Variants in MYO1F observed in about 807,000 individuals in gnomAD.
MYO1F encodes the protein unconventional myosin-If.
A neutral mutation model predicts 146.6 loss-of-function variants in MYO1F; 60 were observed. The observed-to-expected ratio is 0.41, with a 90% CI of 0.33 to 0.51. The LOEUF is 0.51. Among genes scored for constraint, MYO1F ranks in the 20% least tolerant of loss-of-function variants. The probability of loss-of-function intolerance (pLI) is 0.25; values close to 1 mark genes in which losing one functional copy is unlikely to be tolerated. For missense variants in MYO1F, 1,274 were observed against 1,534.3 expected, an observed-to-expected ratio of 0.83 and a Z score of 2.83; for synonymous variants, 602 against 602.1, an observed-to-expected ratio of 1.00 and a Z score of 0.00.
intron 22 of MYO1F, 111 bp from the exon 23 acceptor site, chr19:8,527,046 A>T: frequency 7.1e-7 from 1 of 1,407,678 alleles, no homozygotes; most frequent in South Asian, 1.2e-5. Flanking sequence ...GCTAAGGGCC[A>T]AGTCAGCGGT....
At chr19:8,544,543 G>T in intron 13 of MYO1F, 79 bp from the exon 14 acceptor site, 1 of 1,463,526 alleles carries the variant, frequency 6.8e-7, no homozygotes, top group Non-Finnish European at 9.3e-7. Flanking sequence ...CAGAGATTAG[G>T]GGAGGGAGGG....
At chr19:8,566,102 G>GA (rs938673426) in intron 1 of MYO1F, among the ~76,000 whole-genome samples, 5 of 141,364 alleles carry the variant, frequency 3.5e-5, no homozygotes, top group Admixed American at 1.4e-4. Context: ...CGAAGACCCA[G>GA]AAAAAAAACC....
intron 23 of MYO1F, 78 bp downstream of exon 23, chr19:8,526,711 G>T (rs1357089916): frequency 3.3e-6 from 5 of 1,534,888 alleles, no homozygotes; most frequent in South Asian, 1.2e-5. Flanking sequence ...AGCGCAGTTC[G>T]GCCGGGTCGG....
chr19:8,553,566 C>G, intron 4 of MYO1F, 129 bp from the exon 5 acceptor site: 1 of 757,224 alleles, frequency 1.3e-6, no homozygotes. Context: ...CTGTAATGAA[C>G]AAGACAGATA....
intron 1 of MYO1F, among the ~76,000 whole-genome samples, chr19:8,556,482 AAAAGAAAGAAAGAAAG>A (rs367956320): frequency 6.9e-6 from 1 of 145,062 alleles, no homozygotes; most frequent in African/African-American, 2.6e-5. Context: ...TCTCTATAAA[AAAAGAAAGAAAGAAAG>A]AAAGAAAGAG....
chr19:8,552,888 G>A (rs1443860133), intron 6 of MYO1F, among the ~76,000 whole-genome samples: 1 of 152,192 alleles, frequency 6.6e-6, no homozygotes, highest in African/African-American at 2.4e-5. Context: ...ATGTAGCATG[G>A]CTGCAGCCGG....
At chr19:8,537,096 A>T (rs755050219) in intron 16 of MYO1F, 41 bp from the exon 17 acceptor site, 5 of 1,365,502 alleles carry the variant, frequency 3.7e-6, no homozygotes, top group African/African-American at 2.9e-5. Context: ...GGGCACAGAG[A>T]TGGGACCCTC....
At chr19:8,555,104 G>C (rs549505811) in intron 2 of MYO1F, among the ~76,000 whole-genome samples, 2 of 152,094 alleles carry the variant, frequency 1.3e-5, no homozygotes, top group South Asian at 4.1e-4. Flanking sequence ...AGAATCGCTT[G>C]AACCTGGGAG....
rs1426828535 is a variant in MYO1F, at chr19:8,529,136, G to A, written c.2328+1060C>T. ...GAGGAGGCACCTGCCACATAAACTT[G>A]TCCAAGGTAGGTGAGGGTGTCCAGG... On this transcript the variant is annotated intron_variant, in intron 21 of 27. Transcript: ENST00000644032. 4.6e-5 allele frequency among the ~76,000 whole-genome samples: 7 copies of A among 152,214 alleles called. No individual in the cohort carries two copies. In the East Asian group the frequency reaches 1.2e-3, roughly 25 times the overall value.
At chr19:8,561,876 C>T (rs1974149209) in intron 1 of MYO1F, among the ~76,000 whole-genome samples, 1 of 151,710 alleles carries the variant, frequency 6.6e-6, no homozygotes, top group South Asian at 2.1e-4. Flanking sequence ...ACCACCACAC[C>T]CGGCTAATTT....
intron 2 of MYO1F, 168 bp downstream of exon 2, chr19:8,555,491 A>C: frequency 1.3e-5 from 10 of 762,192 alleles, no homozygotes; most frequent in African/African-American, 1.8e-5. Context: ...AGTGGCAGCC[A>C]CAGCTGCCCC....
rs750553132 is a variant in MYO1F, at chr19:8,541,982, C to T, written c.1534G>A (p.Asp512Asn). ...TTCCTCTCGCAGAAGCCGCTGACGT[C>T]GTAGGAGACCTGGAGGGGACAGTGC... ...IHHYAGKVSY[D>N]VSGFCERNRD... is the part of the protein sequence containing the mutation. Residue 512 changes from aspartate to asparagine, a missense_variant, in exon 15 of 28, where the codon GAC (aspartate) becomes AAC (asparagine). Asp to Asn is a conservative substitution (Grantham distance 23). Coordinates refer to ENST00000644032, the MANE Select transcript of MYO1F (RefSeq NM_012335.4). 2.9e-5 allele frequency: 47 copies of T among 1,612,834 alleles called. No individual in the cohort carries two copies. In the Middle Eastern group the frequency reaches 8.2e-4, roughly 28 times the overall value.
Position 8,527,063 on chromosome 19 carries a change from G to T in MYO1F, c.2475-128C>A, listed in dbSNP as rs1972303188. Reference sequence around the variant, plus strand: ...TAAGGGCCAAGTCAGCGGTGACCAGGTAGGAGAAAAAGGGGGATGTGGCAA... The same window carrying T: ...TAAGGGCCAAGTCAGCGGTGACCAGTTAGGAGAAAAAGGGGGATGTGGCAA... On this transcript the variant is annotated intron_variant, in intron 22 of 27. Coordinates refer to ENST00000644032, the MANE Select transcript of MYO1F (RefSeq NM_012335.4). 3 of 1,297,276 alleles carry T rather than the reference G, an allele frequency of 2.3e-6. No individual in the cohort carries two copies. In the Admixed American group the frequency reaches 6.0e-5, roughly 26 times the overall value. 80.4% of individuals were successfully genotyped at this position (1,297,276 alleles called of 1,614,324 possible).
At chr19:8,570,107 C>G (rs1400513239) in intron 1 of MYO1F, among the ~76,000 whole-genome samples, 9 of 151,190 alleles carry the variant, frequency 6.0e-5, no homozygotes, top group Admixed American at 4.0e-4. Flanking sequence ...GAGTCTTGCT[C>G]TGTTGTTCAG....
At chr19:8,574,527 T>A (rs1335758649) in intron 1 of MYO1F, among the ~76,000 whole-genome samples, 1 of 146,602 alleles carries the variant, frequency 6.8e-6, no homozygotes, top group Non-Finnish European at 1.5e-5. Flanking sequence ...TTCTTCTTTT[T>A]TCCCTTTCTT....
Position 8,550,310 on chromosome 19 carries a change from C to A in MYO1F, c.951G>T (p.Leu317=). The change falls in exon 10 of 28, where the codon CTG becomes CTT. Residue 317 remains leucine, a synonymous_variant. Transcript: ENST00000644032. ...TCTTGCGGCTGGTCAGCTTCTCCTG[C>A]AGTCGCCCGCTGTCAATGCCCAGCA... ...AYLLGIDSGR[L]QEKLTSRKMD... 6.2e-7 allele frequency: 1 copy of A among 1,613,840 alleles called. No homozygotes were observed. The highest frequency in any genetic ancestry group is 1.1e-5 in the South Asian group (1 of 91,036).
chr19:8,528,625 T>TTGGC (rs1157726197), intron 21 of MYO1F, among the ~76,000 whole-genome samples: 3 of 152,020 alleles, frequency 2.0e-5, no homozygotes, highest in African/African-American at 7.2e-5. Flanking sequence ...GGTTGGTTGG[T>TTGGC]TGGCTAGAAA....
chr19:8,531,840 G>A (rs1009266517), intron 19 of MYO1F, among the ~76,000 whole-genome samples: 3 of 151,692 alleles, frequency 2.0e-5, no homozygotes, highest in South Asian at 2.1e-4. Flanking sequence ...AAATGTGGCC[G>A]GGTGCAGTGG....
Position 8,550,048 on chromosome 19 carries a change from A to T in MYO1F, c.1101+112T>A. On this transcript the variant is annotated intron_variant, in intron 10 of 27. Coordinates refer to ENST00000644032, the MANE Select transcript of MYO1F (RefSeq NM_012335.4). ...CTTCTGGCCTCAAAGAATGCTCCCA[A>T]CTCAGCCACCCAAAGCATTGGGATT... is the stretch of plus-strand genomic sequence containing the variant. The T allele has an allele frequency of 3.1e-6, 4 of 1,273,616 alleles. No homozygotes were observed. In the South Asian group the frequency reaches 5.0e-5, roughly 16 times the overall value. 78.9% of individuals were successfully genotyped at this position (1,273,616 alleles called of 1,614,324 possible). A position where few individuals can be genotyped will look rare whatever the true frequency, so the allele number is the denominator to read the frequency against.
Sources: gnomAD v4.1 joint callset for allele counts (sites outside exome capture counted in the v4.1 genomes callset) on GRCh38, gnomAD v4.1.1 for gene constraint, MANE v1.5 for transcripts, NCBI Gene and HGNC (gene_info 2026-07-23, HGNC 2026-07-21) for gene names.